The following SOX5 variants were observed in gnomAD, a reference collection of about 807,000 sequenced individuals.
SOX5 encodes transcription factor SOX-5.
In SOX5, 9 loss-of-function variants were observed where a neutral mutation model predicts 92.0. That is an observed-to-expected ratio of 0.10 (90% CI 0.06 to 0.17). SOX5 has a LOEUF of 0.17. SOX5 is among the 10% of genes least tolerant of loss of function. SOX5 has a pLI of 1.00. For missense variants in SOX5, 642 were observed against 944.5 expected, an observed-to-expected ratio of 0.68 and a Z score of 4.20; for synonymous variants, 344 against 336.3, an observed-to-expected ratio of 1.02 and a Z score of -0.25.
At chr12:24,237,960 G>A (rs1341608295) in intron 3 of SOX5, 1 of 152,162 alleles carries the variant, frequency 6.6e-6, no homozygotes, top group African/African-American at 2.4e-5. Flanking sequence ...CTGGGCCATG[G>A]TAACTGAGAA....
chr12:24,200,415 G>A (rs192177204), intron 4 of SOX5, among the ~76,000 whole-genome samples: 1 of 151,950 alleles, frequency 6.6e-6, no homozygotes, highest in African/African-American at 2.4e-5. Context: ...GGGTTTGAAA[G>A]TCAAATATAC....
chr12:24,129,842 T>C (rs1227299571), intron 4 of SOX5, among the ~76,000 whole-genome samples: 1 of 152,350 alleles, frequency 6.6e-6, no homozygotes, highest in Non-Finnish European at 1.5e-5. Flanking sequence ...ATTAAAGAGA[T>C]TGAAAAGCCA....
chr12:23,569,252 T>C (rs570941150), intron 10 of SOX5, among the ~76,000 whole-genome samples: 51 of 152,286 alleles, frequency 3.3e-4, no homozygotes, highest in Non-Finnish European at 5.4e-4. Flanking sequence ...AAAATTGATG[T>C]CAACATCCCT....
At chr12:23,635,064 C>A (rs1213038230) in intron 8 of SOX5, among the ~76,000 whole-genome samples, 3 of 152,162 alleles carry the variant, frequency 2.0e-5, no homozygotes, top group Non-Finnish European at 4.4e-5. Flanking sequence ...TTAAAACATT[C>A]TACCAGCAAT....
At chr12:24,077,081 T>G (rs953276507) in intron 4 of SOX5, among the ~76,000 whole-genome samples, 9 of 152,118 alleles carry the variant, frequency 5.9e-5, no homozygotes, top group African/African-American at 2.2e-4. Flanking sequence ...AAAAATACAT[T>G]CTAAATAATT....
chr12:24,050,746 T>G (rs1392105263), intron 4 of SOX5, among the ~76,000 whole-genome samples: 2 of 152,180 alleles, frequency 1.3e-5, no homozygotes, highest in Non-Finnish European at 2.9e-5. Flanking sequence ...GTGACAACAG[T>G]GCTACCTTTT....
chr12:24,461,145 T>C (rs1436179089), intron 1 of SOX5, among the ~76,000 whole-genome samples: 2 of 152,224 alleles, frequency 1.3e-5, no homozygotes, highest in Non-Finnish European at 2.9e-5. Context: ...GATGAAATTC[T>C]ATGTATGCTG....
intron 2 of SOX5, among the ~76,000 whole-genome samples, chr12:23,881,032 C>T (rs112068961): frequency 2.6e-5 from 4 of 152,176 alleles, no homozygotes; most frequent in African/African-American, 9.6e-5. Flanking sequence ...CTGTCTAACC[C>T]CAAAATGCTT....
At chr12:24,250,180 C>A (rs909054772) in intron 3 of SOX5, among the ~76,000 whole-genome samples, 2 of 152,154 alleles carry the variant, frequency 1.3e-5, no homozygotes, top group African/African-American at 4.8e-5. Context: ...CTACAATGAA[C>A]CAAAAGTTTA....
At chr12:24,160,116 C>G (rs1028894711) in intron 4 of SOX5, among the ~76,000 whole-genome samples, 10 of 151,978 alleles carry the variant, frequency 6.6e-5, no homozygotes, top group Admixed American at 6.6e-4. Flanking sequence ...CCACTATTTT[C>G]TGTTAGGAAA....
At chr12:24,271,341 T>C (rs1943709668) in intron 3 of SOX5, among the ~76,000 whole-genome samples, 1 of 152,230 alleles carries the variant, frequency 6.6e-6, no homozygotes, top group South Asian at 2.1e-4. Flanking sequence ...TCCATTTGCA[T>C]TTCTTCTTTT....
intron 3 of SOX5, among the ~76,000 whole-genome samples, chr12:23,757,834 A>G (rs960428969): frequency 6.6e-5 from 10 of 151,868 alleles, no homozygotes; most frequent in South Asian, 2.1e-4. Flanking sequence ...TATTCACTGT[A>G]GTGTGCTCAT....
At chr12:23,734,655 G>T (rs374898752) in intron 6 of SOX5, 29 bp downstream of exon 6, 50 of 1,497,690 alleles carry the variant, frequency 3.3e-5, no homozygotes, top group Non-Finnish European at 4.5e-5. Flanking sequence ...TTTTTAAATT[G>T]TAAGTATATT....
intron 4 of SOX5, among the ~76,000 whole-genome samples, chr12:24,081,807 C>A (rs1314986374): frequency 6.6e-6 from 1 of 151,894 alleles, no homozygotes; most frequent in Non-Finnish European, 1.5e-5. Context: ...ACCCAATAGC[C>A]ATTCAAACGT....
At chr12:24,422,353 A>G (rs961124128) in intron 1 of SOX5, among the ~76,000 whole-genome samples, 9 of 152,184 alleles carry the variant, frequency 5.9e-5, no homozygotes, top group African/African-American at 2.2e-4. Context: ...AATTCTATCA[A>G]AAAAATATGA....
intron 2 of SOX5, among the ~76,000 whole-genome samples, chr12:24,279,618 A>G (rs996903102): frequency 1.4e-4 from 21 of 152,144 alleles, no homozygotes; most frequent in African/African-American, 4.8e-4. Context: ...AATTTTCTTA[A>G]AAAAAAACTC....
chr12:24,091,653 G>C (rs1024712931), intron 4 of SOX5, among the ~76,000 whole-genome samples: 5 of 152,010 alleles, frequency 3.3e-5, no homozygotes, highest in African/African-American at 1.2e-4. Flanking sequence ...CCCATAATCA[G>C]ATGAGACAGA....
intron 9 of SOX5, among the ~76,000 whole-genome samples, chr12:23,590,654 C>T (rs965468839): frequency 5.3e-5 from 8 of 151,942 alleles, no homozygotes; most frequent in African/African-American, 1.9e-4. Context: ...TTATATTGTA[C>T]TGTGTGTTAA....
At chr12:23,611,503 T>C (rs2075957659) in intron 8 of SOX5, among the ~76,000 whole-genome samples, 1 of 151,962 alleles carries the variant, frequency 6.6e-6, no homozygotes, top group South Asian at 2.1e-4. Flanking sequence ...AACACTGGAG[T>C]ACAGATATCT....
Sources: allele counts gnomAD v4.1 joint callset (sites outside exome capture counted in the v4.1 genomes callset), GRCh38; gene constraint gnomAD v4.1.1; transcripts MANE v1.5; gene names NCBI Gene and HGNC (gene_info 2026-07-23, HGNC 2026-07-21).